The following UNC5D variants were observed in gnomAD, a reference collection of about 807,000 sequenced individuals.
UNC5D encodes netrin receptor UNC5D.
Under a neutral mutation model 105.4 loss-of-function variants are expected in UNC5D, and 39 were observed. The observed-to-expected ratio is 0.37, with a 90% CI of 0.29 to 0.48. The LOEUF (loss-of-function observed/expected upper bound fraction) is 0.48, where lower values mean the gene tolerates loss of function less well. Among genes scored for constraint, UNC5D ranks in the 20% least tolerant of loss-of-function variants. The probability of loss-of-function intolerance (pLI) is 0.98; values close to 1 mark genes in which losing one functional copy is unlikely to be tolerated. For synonymous variants in UNC5D, 452 were observed against 450.4 expected, an observed-to-expected ratio of 1.00 and a Z score of -0.04; for missense variants, 991 against 1,202.4, an observed-to-expected ratio of 0.82 and a Z score of 2.60.
intron 4 of UNC5D, among the ~76,000 whole-genome samples, chr8:35,599,142 CAAAAAAAAAAA>C (rs34511041): frequency 2.6e-5 from 1 of 38,642 alleles, no homozygotes; most frequent in African/African-American, 9.0e-5. Context: ...GACTCTGTCT[CAAAAAAAAAAA>C]AAAAAAAAAA....
At chr8:35,650,702 C>T (rs1005291377) in intron 4 of UNC5D, among the ~76,000 whole-genome samples, 3 of 151,956 alleles carry the variant, frequency 2.0e-5, no homozygotes, top group African/African-American at 7.3e-5. Context: ...AAACTTCTGA[C>T]CTCAGGTGAT....
At chr8:35,551,859 TAC>T (rs1491106755) in intron 2 of UNC5D, among the ~76,000 whole-genome samples, 1 of 151,232 alleles carries the variant, frequency 6.6e-6, no homozygotes, top group African/African-American at 2.4e-5. Flanking sequence ...AAAAAGAAGT[TAC>T]CAGGGGATGC....
chr8:35,428,668 G>A (rs1806421753), intron 1 of UNC5D, among the ~76,000 whole-genome samples: 1 of 152,042 alleles, frequency 6.6e-6, no homozygotes, highest in Admixed American at 6.6e-5. Context: ...TTCACAATGG[G>A]TACCTGAGAT....
chr8:35,576,901 C>G (rs1396596675), intron 3 of UNC5D, among the ~76,000 whole-genome samples: 1 of 152,180 alleles, frequency 6.6e-6, no homozygotes, highest in Non-Finnish European at 1.5e-5. Context: ...GCATGAGCCA[C>G]CGCGCCTGGC....
At chr8:35,252,699 C>T (rs1803791883) in intron 1 of UNC5D, among the ~76,000 whole-genome samples, 1 of 152,078 alleles carries the variant, frequency 6.6e-6, no homozygotes, top group Non-Finnish European at 1.5e-5. Flanking sequence ...TTTTTTCTAG[C>T]ATGAAAAATG....
At chr8:35,557,848 AG>A (rs1316371430) in intron 2 of UNC5D, among the ~76,000 whole-genome samples, 1 of 151,958 alleles carries the variant, frequency 6.6e-6, no homozygotes, top group Non-Finnish European at 1.5e-5. Context: ...CTCCCCCTCC[AG>A]GGCTGGGCAC....
At chr8:35,565,985 G>A (rs1817308296) in intron 2 of UNC5D, among the ~76,000 whole-genome samples, 1 of 152,116 alleles carries the variant, frequency 6.6e-6, no homozygotes, top group African/African-American at 2.4e-5. Flanking sequence ...TCATTAAAGT[G>A]TAAACAAAGA....
chr8:35,637,971 C>T (rs1362933721), intron 4 of UNC5D, among the ~76,000 whole-genome samples: 1 of 152,152 alleles, frequency 6.6e-6, no homozygotes, highest in Non-Finnish European at 1.5e-5. Context: ...CTAGCTGTCA[C>T]TCTCAGCCCT....
intron 1 of UNC5D, among the ~76,000 whole-genome samples, chr8:35,379,188 A>G (rs1802880521): frequency 6.6e-6 from 1 of 152,106 alleles, no homozygotes; most frequent in African/African-American, 2.4e-5. Context: ...TGCTCCTTTG[A>G]CAGGAGATCA....
intron 4 of UNC5D, among the ~76,000 whole-genome samples, chr8:35,658,717 C>CCT (rs1210723282): frequency 2.1e-4 from 31 of 150,232 alleles, no homozygotes; most frequent in African/African-American, 7.4e-4. Context: ...AGTGGCGCGA[C>CCT]CTCGGCTCAC....
intron 1 of UNC5D, among the ~76,000 whole-genome samples, chr8:35,547,684 A>G (rs1312108486): frequency 1.3e-5 from 2 of 152,326 alleles, no homozygotes; most frequent in South Asian, 2.1e-4. Flanking sequence ...ATGAATAGTA[A>G]GAGGCTCTGG....
rs559150101 is a variant in UNC5D at position 35,319,403 on chromosome 8, G to A, written c.103+83516G>A. Among the ~76,000 whole-genome samples, 8 of 152,234 alleles carry A rather than the reference G, an allele frequency of 5.3e-5. No homozygotes were observed. In the East Asian group the frequency reaches 1.5e-3, roughly 29 times the overall value. ...GAACAGCCAAGATTCTTTAAGGGCT[G>A]TGCAGAAGGCTGTCTGAATCCTTGA... On this transcript the variant is annotated intron_variant, in intron 1 of 16. Transcript: ENST00000404895.
chr8:35,621,549 G>C (rs1429934148), intron 4 of UNC5D, among the ~76,000 whole-genome samples: 1 of 152,094 alleles, frequency 6.6e-6, no homozygotes, highest in Non-Finnish European at 1.5e-5. Flanking sequence ...TAAATAAAGA[G>C]GAAGTCAATG....
At chr8:35,401,705 A>G (rs1489921631) in intron 1 of UNC5D, among the ~76,000 whole-genome samples, 1 of 152,214 alleles carries the variant, frequency 6.6e-6, no homozygotes, top group Non-Finnish European at 1.5e-5. Flanking sequence ...TAGAATAAAG[A>G]GACGTCTTAC....
chr8:35,287,026 A>T (rs1585499991), intron 1 of UNC5D, among the ~76,000 whole-genome samples: 1 of 152,188 alleles, frequency 6.6e-6, no homozygotes, highest in Admixed American at 6.5e-5. Context: ...ATACTATTTG[A>T]TCTCAGAGCA....
At chr8:35,542,223 T>A (rs1815328363) in intron 1 of UNC5D, among the ~76,000 whole-genome samples, 1 of 152,176 alleles carries the variant, frequency 6.6e-6, no homozygotes, top group Non-Finnish European at 1.5e-5. Context: ...ATATTTGGTA[T>A]GTAAAATTCC....
chr8:35,638,909 G>A (rs1202968012), intron 4 of UNC5D, among the ~76,000 whole-genome samples: 1 of 152,156 alleles, frequency 6.6e-6, no homozygotes, highest in East Asian at 1.9e-4. Flanking sequence ...ACTTAGTTAA[G>A]ACTTTGGTAA....
At chr8:35,635,811 G>A (rs1315521415) in intron 4 of UNC5D, among the ~76,000 whole-genome samples, 1 of 152,194 alleles carries the variant, frequency 6.6e-6, no homozygotes, top group African/African-American at 2.4e-5. Flanking sequence ...AAAGGGAAAA[G>A]AGTTACGTGT....
chr8:35,734,417 C>A (rs1003888639), intron 11 of UNC5D, among the ~76,000 whole-genome samples: 4 of 130,094 alleles, frequency 3.1e-5, no homozygotes, highest in South Asian at 2.9e-4. Context: ...TTCTTTCTTT[C>A]TTTATTTCTT....
Sources: gnomAD v4.1 joint callset for allele counts (sites outside exome capture counted in the v4.1 genomes callset) on GRCh38, gnomAD v4.1.1 for gene constraint, MANE v1.5 for transcripts, NCBI Gene and HGNC (gene_info 2026-07-23, HGNC 2026-07-21) for gene names.